Variants in NELFCD observed in about 807,000 individuals in gnomAD.
NELFCD encodes the protein negative elongation factor complex member C/D.
In NELFCD, 48 loss-of-function variants were observed where a neutral mutation model predicts 72.9. The ratio of observed to expected loss-of-function variants is 0.66; its 90% CI spans 0.52 to 0.84. NELFCD has a LOEUF of 0.84. Among genes scored for constraint, NELFCD ranks in the 40% least tolerant of loss-of-function variants. The probability of loss-of-function intolerance (pLI) is 0.00; values close to 1 mark genes in which losing one functional copy is unlikely to be tolerated. For synonymous variants in NELFCD, 297 were observed against 280.6 expected (o/e 1.06, Z -0.59); for missense variants, 538 against 723.8 (o/e 0.74, Z 2.94).
rs1208460284 is a variant in NELFCD, at chr20:58,994,222, C to T, written c.1694C>T (p.Pro565Leu). Residue 565 changes from proline (P) to leucine (L), a missense_variant, in exon 14 of 15, where the codon CCT becomes CTT. Physicochemically the swap from Pro to Leu is moderately conservative, Grantham distance 98. This residue lies in a region of NELFCD where 136 missense variants were observed against 154.0 expected (regional missense o/e 0.88). Transcript: ENST00000652272. ...GTIKTEGEHD[P>L]VTEFIAHCKS... Reference sequence around the variant, plus strand: ...ATCAAAACGGAAGGCGAGCATGACCCTGTGACGGAGTTTATAGGTGAGGCC... The same window carrying T: ...ATCAAAACGGAAGGCGAGCATGACCTTGTGACGGAGTTTATAGGTGAGGCC... 1 of 1,614,140 alleles carries T rather than the reference C, an allele frequency of 6.2e-7. No individual in the cohort carries two copies. Among genetic ancestry groups the T allele is most frequent in the Non-Finnish European group, 8.5e-7 (1 of 1,179,996 alleles).
intron 9 of NELFCD, 117 bp from the exon 10 acceptor site, chr20:58,991,764 C>A: frequency 1.6e-6 from 2 of 1,226,022 alleles, no homozygotes; most frequent in South Asian, 1.5e-5. Flanking sequence ...GCTGAATTGA[C>A]TCCCAACTTA....
intron 8 of NELFCD, 110 bp downstream of exon 8, chr20:58,991,185 T>C (rs2091813752): frequency 2.6e-6 from 4 of 1,552,178 alleles, no homozygotes; most frequent in Non-Finnish European, 3.5e-6. Context: ...ATTGTCCTGG[T>C]CCTTCCTCAG....
intron 3 of NELFCD, 27 bp from the exon 4 acceptor site, chr20:58,987,681 T>G: frequency 6.3e-7 from 1 of 1,579,034 alleles, no homozygotes; most frequent in South Asian, 1.1e-5. Flanking sequence ...AGCTTGCCAT[T>G]GTCTAGTTGC....
At position 58,988,974 on chromosome 20, in the gene NELFCD, C is replaced by G; in HGVS notation, c.457C>G (p.Leu153Val). 6.2e-7 allele frequency: 1 copy of G among 1,614,196 alleles called. No individual in the cohort carries two copies. The highest frequency in any genetic ancestry group is 8.5e-7 in the Non-Finnish European group (1 of 1,180,014). Residue 153 changes from leucine (L) to valine (V), a missense_variant, in exon 5 of 15, where the codon CTG (leucine) becomes GTG (valine). This residue lies in a region of NELFCD where 355 missense variants were observed against 534.5 expected (regional missense o/e 0.66). Transcript: ENST00000652272. ...HTTWRDLFYK[L>V]AEAHPDCLML... ...CACGTGGCGGGACCTTTTTTATAAA[C>G]TGGCTGAAGCCCATCCAGACTGTTT...
At chr20:58,985,790 C>T (rs1460528452) in intron 1 of NELFCD, among the ~76,000 whole-genome samples, 1 of 152,048 alleles carries the variant, frequency 6.6e-6, no homozygotes, top group Non-Finnish European at 1.5e-5. Flanking sequence ...TGGGAATAGG[C>T]GTTATTATTA....
chr20:58,990,779 G>T, intron 7 of NELFCD, 131 bp from the exon 8 acceptor site: 1 of 745,780 alleles, frequency 1.3e-6, no homozygotes. Flanking sequence ...TGTTATTTTT[G>T]TGGGTCAGTC....
intron 14 of NELFCD, 23 bp from the exon 15 acceptor site, chr20:58,994,619 A>G (rs749278945): frequency 3.8e-6 from 6 of 1,583,492 alleles, no homozygotes; most frequent in Non-Finnish European, 4.3e-6. Flanking sequence ...TTTCTAACAC[A>G]GTCACTGTTT....
chr20:58,987,720 T>C lies in NELFCD; in HGVS notation c.299T>C (p.Val100Ala), dbSNP rs754885383. ...TATTCTCTTTCAGGTGTTGAGCCAG[T>C]GCAGGTTCAGGAAACTGTGGAAAAT... Reference protein sequence around the residue: ...EWLIQTGVEPVQVQETVENHL... With the variant: ...EWLIQTGVEPAQVQETVENHL... The change falls in exon 4 of 15, where the codon GTG becomes GCG. Residue 100 changes from valine (V) to alanine (A), a missense_variant. Val to Ala is a moderately conservative substitution (Grantham distance 64, BLOSUM62 0). Coordinates refer to ENST00000652272, the MANE Select transcript of NELFCD (RefSeq NM_198976.4). 3.7e-6 allele frequency: 6 copies of C among 1,613,972 alleles called. No homozygotes were observed. The highest frequency in any genetic ancestry group is 5.1e-6 in the Non-Finnish European group (6 of 1,179,910).
Position 58,994,188 on chromosome 20 carries a change from G to A in NELFCD, c.1660G>A (p.Ala554Thr), listed in dbSNP as rs2091839933. The A allele has an allele frequency of 2.5e-6, 4 of 1,614,118 alleles. No individual in the cohort carries two copies. The highest frequency in any genetic ancestry group is 1.1e-5 in the South Asian group (1 of 91,082). Reference sequence around the variant, plus strand: ...CCCCATCCTGGAGAATGACAGCATCGCAGGTACCATCAAAACGGAAGGCGA... The same window carrying A: ...CCCCATCCTGGAGAATGACAGCATCACAGGTACCATCAAAACGGAAGGCGA... ...FLPILENDSI[A>T]GTIKTEGEHD... is the part of the protein sequence containing the mutation. The change falls in exon 14 of 15, where the codon GCA (alanine) becomes ACA (threonine). Residue 554 changes from alanine (A) to threonine (T), a missense_variant. Ala to Thr is a moderately conservative substitution (Grantham distance 58). Coordinates refer to ENST00000652272, the MANE Select transcript of NELFCD (RefSeq NM_198976.4).
chr20:58,989,724 A>G (rs530150217), intron 6 of NELFCD, 84 bp downstream of exon 6: 6 of 1,606,888 alleles, frequency 3.7e-6, no homozygotes, highest in Non-Finnish European at 5.1e-6. Flanking sequence ...CCTTCCCTGG[A>G]GAGAATCTCC....
chr20:58,991,021 C>A lies in NELFCD; in HGVS notation c.900C>A (p.Asp300Glu). The A allele has an allele frequency of 6.2e-7, 1 of 1,614,242 alleles. No individual in the cohort carries two copies. Among genetic ancestry groups the A allele is most frequent in the East Asian group, 2.2e-5 (1 of 44,886 alleles). Reference sequence around the variant, plus strand: ...CCAAAGGAGCCCTGAACCCTGCTGACATCACCGTCCTGTTCAAGATGTTCA... The same window carrying A: ...CCAAAGGAGCCCTGAACCCTGCTGAAATCACCGTCCTGTTCAAGATGTTCA... ...MLSKGALNPADITVLFKMFTS... is the reference protein window; with the variant it reads ...MLSKGALNPAEITVLFKMFTS... The change falls in exon 8 of 15, where the codon GAC becomes GAA. Residue 300 changes from aspartate to glutamate, a missense_variant. Around this residue, in one of 3 missense-constraint regions of NELFCD, gnomAD observed 355 missense variants for 534.5 expected, o/e 0.66. Coordinates refer to ENST00000652272, the MANE Select transcript of NELFCD (RefSeq NM_198976.4).
rs750235416 is a variant in NELFCD at position 58,993,611 on chromosome 20, C to G, written c.1441-13C>G. On this transcript the variant is annotated splice_polypyrimidine_tract_variant and intron_variant, in intron 12 of 14. Transcript: ENST00000652272. This position sits in a 1 kb window ranked among gnomAD's most constrained non-coding sequence, Gnocchi z 5.0. ...CCCTCTCTAACCAGCTCCCTGTCCC[C>G]CTTCTTCTGTAGCTTGAGTTGAAGA... 2 of 1,614,208 alleles carry G rather than the reference C, an allele frequency of 1.2e-6. No individual in the cohort carries two copies. Among genetic ancestry groups the G allele is most frequent in the Non-Finnish European group, 1.7e-6 (2 of 1,180,024 alleles).
chr20:58,993,684 C>G lies in NELFCD; in HGVS notation c.1501C>G (p.Leu501Val). Residue 501 changes from leucine (L) to valine (V), a missense_variant, in exon 13 of 15, where the codon CTT becomes GTT. By Grantham distance (32) the Leu-to-Val change is conservative. This residue lies in a region of NELFCD where 136 missense variants were observed against 154.0 expected (regional missense o/e 0.88). Transcript: ENST00000652272. The surrounding 1 kb of genome is among the most constrained non-coding windows in gnomAD (Gnocchi z 5.0). ...TCACCTGCTGAGTCGAGGTTATGTA[C>G]TTCCTGTTGTCAGTTACATCCGAAA... ...MVHLLSRGYV[L>V]PVVSYIRKCL... The G allele has an allele frequency of 6.2e-7, 1 of 1,614,210 alleles. No individual in the cohort carries two copies.
At chr20:58,989,799 G>A (rs999088939) in intron 6 of NELFCD, 59 bp from the exon 7 acceptor site, 14 of 1,612,052 alleles carry the variant, frequency 8.7e-6, no homozygotes, top group Middle Eastern at 1.6e-4. Context: ...CTTGGCTCTC[G>A]TCCGCCCGTC....
At chr20:58,989,338 A>G in intron 5 of NELFCD, 150 bp from the exon 6 acceptor site, 1 of 878,760 alleles carries the variant, frequency 1.1e-6, no homozygotes, top group Non-Finnish European at 1.8e-6. Context: ...GCACACACCT[A>G]GGTGATAGCA....
intron 9 of NELFCD, 195 bp from the exon 10 acceptor site, chr20:58,991,686 A>C (rs2091818482): frequency 1.3e-6 from 1 of 743,378 alleles, no homozygotes. Context: ...GATTTCCGTA[A>C]GACATGGACA....
chr20:58,993,134 C>T lies in NELFCD; in HGVS notation c.1344+22C>T. ...TGAGGTAAGAGGGCGGAGAGCTGTT[C>T]ACAGCCTACACAGTGTCTGTCTCAT... On this transcript the variant is annotated intron_variant, in intron 11 of 14. Transcript: ENST00000652272. This position sits in a 1 kb window ranked among gnomAD's most constrained non-coding sequence, Gnocchi z 5.0. 4.0e-6 allele frequency: 6 copies of T among 1,513,946 alleles called. No individual in the cohort carries two copies. Among genetic ancestry groups the T allele is most frequent in the African/African-American group, 2.7e-5 (2 of 73,088 alleles). The allele number at this position is 1,513,946 out of a possible 1,614,324, so 93.8% of individuals were successfully genotyped here.
At chr20:58,991,490 TATC>T in intron 9 of NELFCD, 44 bp downstream of exon 9, 1 of 1,610,402 alleles carries the variant, frequency 6.2e-7, no homozygotes, top group Non-Finnish European at 8.5e-7. Context: ...AGGAGACAAA[TATC>T]CTCCTCTGCT....
intron 14 of NELFCD, 53 bp from the exon 15 acceptor site, chr20:58,994,589 A>G (rs1474518076): frequency 1.5e-6 from 2 of 1,374,000 alleles, no homozygotes; most frequent in Non-Finnish European, 2.0e-6. Context: ...AAGAAAGAAA[A>G]TGTCATGTTC....
Sources: allele counts gnomAD v4.1 joint callset (sites outside exome capture counted in the v4.1 genomes callset), GRCh38; gene constraint gnomAD v4.1.1; regional missense constraint gnomAD v4.1.1; non-coding constraint Gnocchi (gnomAD v3.1); transcripts MANE v1.5; gene names NCBI Gene and HGNC (gene_info 2026-07-23, HGNC 2026-07-21).